SHROOM3: variants seen among roughly 807,000 people sequenced by gnomAD.
SHROOM3 encodes shroom family member 3, also known as protein Shroom3.
SHROOM3 carries 47 observed loss-of-function variants against 138.6 expected under a neutral mutation model. The ratio of observed to expected loss-of-function variants is 0.34; its 90% CI spans 0.27 to 0.43. The LOEUF (loss-of-function observed/expected upper bound fraction) is 0.43. Ranked by LOEUF, SHROOM3 falls within the 20% of genes least tolerant of loss-of-function variation. The pLI is 1.00. For missense variants in SHROOM3, 2,491 were observed against 2,596.5 expected, an observed-to-expected ratio of 0.96 and a Z score of 0.88; for synonymous variants, 1,062 against 1,063.3, an observed-to-expected ratio of 1.00 and a Z score of 0.02.
chr4:76,773,446 TAAAG>T (rs949867925), intron 10 of SHROOM3, among the ~76,000 whole-genome samples: 12 of 146,882 alleles, frequency 8.2e-5, no homozygotes, highest in African/African-American at 3.0e-4. Context: ...TCAAAAGAGA[TAAAG>T]AAGAAAGTTC....
At chr4:76,627,715 G>A (rs1735187749) in intron 2 of SHROOM3, among the ~76,000 whole-genome samples, 3 of 151,050 alleles carry the variant, frequency 2.0e-5, no homozygotes. Context: ...AGAATGGAAG[G>A]TAGTGGCTAT....
At chr4:76,633,638 C>T (rs1448838331) in intron 2 of SHROOM3, among the ~76,000 whole-genome samples, 2 of 117,668 alleles carry the variant, frequency 1.7e-5, no homozygotes, top group Non-Finnish European at 3.2e-5. Flanking sequence ...GCCTGGGTGG[C>T]AGAGCGAGAC....
At chr4:76,710,744 A>G (rs1720206075) in intron 3 of SHROOM3, among the ~76,000 whole-genome samples, 1 of 152,198 alleles carries the variant, frequency 6.6e-6, no homozygotes, top group Admixed American at 6.5e-5. Flanking sequence ...CGTAAGCCTA[A>G]CAAAGATTTG....
intron 1 of SHROOM3, among the ~76,000 whole-genome samples, chr4:76,472,676 C>T (rs1268545109): frequency 6.8e-6 from 1 of 148,096 alleles, no homozygotes; most frequent in Non-Finnish European, 1.5e-5. Context: ...CCTGAATAAA[C>T]CTTGGGGAAT....
intron 1 of SHROOM3, among the ~76,000 whole-genome samples, chr4:76,541,623 G>GCACACACA (rs751594734): frequency 0.038 from 5,295 of 140,070 alleles, 120 homozygotes; most frequent in African/African-American, 0.063. Context: ...ACATATGTGG[G>GCACACACA]CGCACACACA....
At chr4:76,704,387 G>A (rs1719989424) in intron 2 of SHROOM3, among the ~76,000 whole-genome samples, 1 of 152,194 alleles carries the variant, frequency 6.6e-6, no homozygotes, top group Admixed American at 6.5e-5. Flanking sequence ...AATTTCATGT[G>A]GTTATAAGTG....
chr4:76,753,368 G>T lies in SHROOM3; in HGVS notation c.3828-943G>T, dbSNP rs556607433. ...CTTGGATGATCTTGTGGCAAGCCCT[G>T]TGTTATTGCTCTGATGTGGGACTGA... On this transcript the variant is annotated intron_variant, in intron 6 of 10. Coordinates refer to ENST00000296043, the MANE Select transcript of SHROOM3 (RefSeq NM_020859.4). Among the ~76,000 whole-genome samples, 7 of 152,300 alleles carry T rather than the reference G, an allele frequency of 4.6e-5. No homozygotes were observed. The South Asian group carries it at 1.0e-3, about 23-fold the overall frequency.
At chr4:76,731,126 T>A (rs553703644) in intron 4 of SHROOM3, among the ~76,000 whole-genome samples, 191 bp downstream of exon 4, 1 of 152,356 alleles carries the variant, frequency 6.6e-6, no homozygotes, top group South Asian at 2.1e-4. Context: ...TATGCTTGGC[T>A]AGATCAACTT....
Position 76,759,568 on chromosome 4 carries a change from G to A in SHROOM3, c.5222G>A (p.Ser1741Asn). Residue 1741 changes from serine to asparagine, a missense_variant, in exon 9 of 11, where the codon AGC (serine) becomes AAC (asparagine). This residue lies in a region of SHROOM3 where 470 missense variants were observed against 595.0 expected (regional missense o/e 0.79). Coordinates refer to ENST00000296043, the MANE Select transcript of SHROOM3 (RefSeq NM_020859.4). The stretch of plus-strand genomic sequence containing the variant: ...AGGAATGAAGACAAGGAAGCAGTGA[G>A]CATGTTGGTTAACTGCCCTGCCTAC... Reference protein sequence around the residue: ...GKRNEDKEAVSMLVNCPAYYS... With the variant: ...GKRNEDKEAVNMLVNCPAYYS... The A allele has an allele frequency of 1.2e-6, 2 of 1,614,136 alleles. No individual in the cohort carries two copies. Among genetic ancestry groups the A allele is most frequent in the Non-Finnish European group, 1.7e-6 (2 of 1,179,984 alleles).
At chr4:76,653,030 A>G (rs1260679332) in intron 2 of SHROOM3, among the ~76,000 whole-genome samples, 1 of 152,054 alleles carries the variant, frequency 6.6e-6, no homozygotes, top group Non-Finnish European at 1.5e-5. Flanking sequence ...CTTTTGCTAT[A>G]TTTACAGTCT....
At position 76,770,738 on chromosome 4, in the gene SHROOM3, T is replaced by C; in HGVS notation, c.5462T>C (p.Leu1821Pro). 1 of 1,614,176 alleles carries C rather than the reference T, an allele frequency of 6.2e-7. No homozygotes were observed. The highest frequency in any genetic ancestry group is 8.5e-7 in the Non-Finnish European group (1 of 1,180,034). The change falls in exon 10 of 11, where the codon CTG (leucine) becomes CCG (proline). Residue 1821 changes from leucine to proline, a missense_variant. By Grantham distance (98) the Leu-to-Pro change is moderately conservative. Around this residue, in one of 4 missense-constraint regions of SHROOM3, gnomAD observed 470 missense variants for 595.0 expected, o/e 0.79. Coordinates refer to ENST00000296043, the MANE Select transcript of SHROOM3 (RefSeq NM_020859.4). ...NNALGEEVEA[L>P]ISELCKPNEF... ...GCCCTGGGAGAAGAGGTGGAGGCTC[T>C]GATCAGCGAGCTCTGCAAGCCCAAT... is the stretch of plus-strand genomic sequence containing the variant.
At chr4:76,561,552 A>T (rs1401378503) in intron 2 of SHROOM3, among the ~76,000 whole-genome samples, 1 of 152,104 alleles carries the variant, frequency 6.6e-6, no homozygotes. Context: ...CCAAGGCCAC[A>T]TACTAGTGGC....
intron 2 of SHROOM3, among the ~76,000 whole-genome samples, chr4:76,700,023 C>T (rs1221474490): frequency 6.6e-6 from 1 of 152,132 alleles, no homozygotes; most frequent in Non-Finnish European, 1.5e-5. Flanking sequence ...TGCAGGGAAC[C>T]CATCAGGAAG....
chr4:76,464,608 T>C (rs1305602156), intron 1 of SHROOM3, among the ~76,000 whole-genome samples: 1 of 152,110 alleles, frequency 6.6e-6, no homozygotes, highest in Non-Finnish European at 1.5e-5. Context: ...TGGATTTGTG[T>C]CCCCACCCAA....
intron 1 of SHROOM3, among the ~76,000 whole-genome samples, chr4:76,504,369 G>C (rs1054883015): frequency 2.0e-5 from 3 of 152,104 alleles, no homozygotes; most frequent in African/African-American, 7.2e-5. Context: ...ACATTAGTCA[G>C]GCTGGTCGTG....
chr4:76,721,115 T>TCCCGGCTAAAACGGTGAAAC (rs1720535936), intron 3 of SHROOM3, among the ~76,000 whole-genome samples: 1 of 151,416 alleles, frequency 6.6e-6, no homozygotes, highest in Non-Finnish European at 1.5e-5. Flanking sequence ...ATCGAGACCA[T>TCCCGGCTAAAACGGTGAAAC]CCCGGCTAAA....
chr4:76,697,505 C>A (rs1033577667), intron 2 of SHROOM3, among the ~76,000 whole-genome samples: 1 of 152,260 alleles, frequency 6.6e-6, no homozygotes, highest in African/African-American at 2.4e-5. Flanking sequence ...AGGTATCTAA[C>A]TAAGCACTTA....
chr4:76,453,932 C>T (rs1364426454), intron 1 of SHROOM3, among the ~76,000 whole-genome samples: 3 of 152,282 alleles, frequency 2.0e-5, no homozygotes, highest in East Asian at 1.9e-4. Context: ...ATGTTAGATT[C>T]GAGAAATCAT....
At chr4:76,738,306 A>C (rs1158487912) in intron 4 of SHROOM3, among the ~76,000 whole-genome samples, 1 of 152,172 alleles carries the variant, frequency 6.6e-6, no homozygotes, top group Non-Finnish European at 1.5e-5. Flanking sequence ...AAACATATAC[A>C]TGTGCACACA....
Sources: allele counts gnomAD v4.1 joint callset (sites outside exome capture counted in the v4.1 genomes callset), GRCh38; gene constraint gnomAD v4.1.1; regional missense constraint gnomAD v4.1.1; transcripts MANE v1.5; gene names NCBI Gene and HGNC (gene_info 2026-07-23, HGNC 2026-07-21).